MAML2: variants seen among roughly 807,000 people sequenced by gnomAD.
The protein encoded by MAML2 is mastermind like transcriptional coactivator 2, also known as mastermind-like protein 2.
A neutral mutation model predicts 96.1 loss-of-function variants in MAML2; 22 were observed. The ratio of observed to expected loss-of-function variants is 0.23; its 90% CI spans 0.16 to 0.33. The LOEUF (loss-of-function observed/expected upper bound fraction) is 0.33. Ranked by LOEUF, MAML2 falls within the 10% of genes least tolerant of loss-of-function variation. The probability of loss-of-function intolerance (pLI) is 1.00; values close to 1 mark genes in which losing one functional copy is unlikely to be tolerated. For missense variants in MAML2, 1,367 were observed against 1,392.4 expected, an observed-to-expected ratio of 0.98 and a Z score of 0.29; for synonymous variants, 561 against 521.3, an observed-to-expected ratio of 1.08 and a Z score of -1.04.
intron 1 of MAML2, among the ~76,000 whole-genome samples, chr11:96,117,861 C>T (rs758190297): frequency 1.2e-4 from 18 of 152,256 alleles, no homozygotes; most frequent in South Asian, 1.0e-3. Flanking sequence ...TAGGGCTCTG[C>T]CTTTTACCAG....
intron 2 of MAML2, among the ~76,000 whole-genome samples, chr11:96,056,959 TTTG>T (rs1490923621): frequency 1.3e-5 from 2 of 152,286 alleles, no homozygotes; most frequent in African/African-American, 4.8e-5. Context: ...TGAAATGAAA[TTTG>T]TTGTTTGGTG....
At chr11:96,130,973 C>G (rs1320959429) in intron 1 of MAML2, among the ~76,000 whole-genome samples, 1 of 152,030 alleles carries the variant, frequency 6.6e-6, no homozygotes, top group East Asian at 1.9e-4. Context: ...ATGAAACAAT[C>G]CCTTTAATTA....
intron 1 of MAML2, among the ~76,000 whole-genome samples, chr11:96,149,862 T>A (rs1336789151): frequency 6.6e-6 from 1 of 152,210 alleles, no homozygotes; most frequent in Non-Finnish European, 1.5e-5. Context: ...ATTTCTCTGC[T>A]GATCTCTCCT....
In MAML2 at chr11:96,336,390, C is replaced by T. The variant is rs112474506; in HGVS notation, c.513+4993G>A. Among the ~76,000 whole-genome samples the T allele has an allele frequency of 6.0e-3, 912 of 152,260 alleles. 8 individuals are homozygous for T. The highest frequency in any genetic ancestry group is 0.018 in the African/African-American group (765 of 41,530). ...TCCATTCTACCTGGTTAGTACTTTT[C>T]CTGTTACTTTATTGAAGTGGTTTTG... On this transcript the variant is annotated intron_variant, in intron 1 of 4. Coordinates refer to ENST00000524717, the MANE Select transcript of MAML2 (RefSeq NM_032427.4).
intron 1 of MAML2, among the ~76,000 whole-genome samples, chr11:96,222,203 G>A (rs980957617): frequency 2.0e-5 from 3 of 152,206 alleles, no homozygotes; most frequent in Admixed American, 1.3e-4. Context: ...CTCAGGGATA[G>A]CACTATGCTT....
At chr11:96,320,299 C>T (rs1565283240) in intron 1 of MAML2, among the ~76,000 whole-genome samples, 1 of 152,200 alleles carries the variant, frequency 6.6e-6, no homozygotes, top group Non-Finnish European at 1.5e-5. Context: ...TCTGCTGACA[C>T]ACTGGGAGGC....
intron 1 of MAML2, among the ~76,000 whole-genome samples, chr11:96,126,757 C>T (rs1860445617): frequency 6.6e-6 from 1 of 152,096 alleles, no homozygotes; most frequent in African/African-American, 2.4e-5. Flanking sequence ...CAATATAAAT[C>T]CAATTATATA....
intron 1 of MAML2, among the ~76,000 whole-genome samples, chr11:96,103,674 C>G (rs984283110): frequency 6.6e-6 from 1 of 152,186 alleles, no homozygotes; most frequent in South Asian, 2.1e-4. Flanking sequence ...CTGTCCTTCC[C>G]TGTCTGTTTC....
At chr11:96,086,145 C>T (rs1859608773) in intron 2 of MAML2, among the ~76,000 whole-genome samples, 1 of 152,162 alleles carries the variant, frequency 6.6e-6, no homozygotes, top group African/African-American at 2.4e-5. Flanking sequence ...AGATCAAAAG[C>T]TCAGCCAGGG....
intron 1 of MAML2, among the ~76,000 whole-genome samples, chr11:96,207,117 A>T (rs1258078170): frequency 6.6e-6 from 1 of 152,100 alleles, no homozygotes; most frequent in Non-Finnish European, 1.5e-5. Flanking sequence ...CTATAAAAGG[A>T]CTTGTTTTCT....
chr11:96,128,114 C>T (rs1254101795), intron 1 of MAML2, among the ~76,000 whole-genome samples: 1 of 152,114 alleles, frequency 6.6e-6, no homozygotes, highest in Non-Finnish European at 1.5e-5. Context: ...CCTAATCCAG[C>T]CGTGTGCAGT....
intron 2 of MAML2, among the ~76,000 whole-genome samples, chr11:96,031,307 CTAAG>C (rs1333905330): frequency 2.6e-5 from 4 of 151,670 alleles, no homozygotes; most frequent in Non-Finnish European, 5.9e-5. Context: ...ATCCTATGAG[CTAAG>C]TGTTATTATT....
At chr11:96,122,364 A>G (rs1860362838) in intron 1 of MAML2, among the ~76,000 whole-genome samples, 1 of 152,044 alleles carries the variant, frequency 6.6e-6, no homozygotes, top group Non-Finnish European at 1.5e-5. Context: ...GGAGCTGCAG[A>G]AAATCCTTCA....
chr11:96,103,789 G>A (rs369887110), intron 1 of MAML2, among the ~76,000 whole-genome samples: 2 of 152,012 alleles, frequency 1.3e-5, no homozygotes, highest in Admixed American at 1.3e-4. Flanking sequence ...CCCACATCTC[G>A]CCTCTCTCTG....
chr11:96,086,844 G>A (rs1859623707), intron 2 of MAML2, among the ~76,000 whole-genome samples: 2 of 152,194 alleles, frequency 1.3e-5, no homozygotes, highest in Admixed American at 1.3e-4. Context: ...GGCAAGGTCA[G>A]TGTGAATTTG....
intron 2 of MAML2, among the ~76,000 whole-genome samples, chr11:96,020,554 G>C (rs1210648958): frequency 6.6e-6 from 1 of 152,178 alleles, no homozygotes; most frequent in Non-Finnish European, 1.5e-5. Flanking sequence ...GGTGACTGGG[G>C]CACTGAGTTT....
chr11:96,036,500 T>G (rs1479076736), intron 2 of MAML2, among the ~76,000 whole-genome samples: 1 of 152,214 alleles, frequency 6.6e-6, no homozygotes, highest in Non-Finnish European at 1.5e-5. Flanking sequence ...ACAATCACAG[T>G]TGCAGTGGAC....
intron 1 of MAML2, among the ~76,000 whole-genome samples, chr11:96,340,503 G>T (rs1863978325): frequency 6.6e-6 from 1 of 152,222 alleles, no homozygotes; most frequent in Non-Finnish European, 1.5e-5. Context: ...ATGATCCAAG[G>T]GATACTCCTC....
At position 96,178,028 on chromosome 11, in the gene MAML2, T is replaced by TA. The variant is rs1234888261; in HGVS notation, c.514-84512dup. Among the ~76,000 whole-genome samples the TA allele has an allele frequency of 4.3e-3, 601 of 140,684 alleles. 4 individuals are homozygous for TA. The highest frequency in any genetic ancestry group is 0.014 in the African/African-American group (537 of 39,034). The allele number at this position is 140,684 out of a possible 152,430, so 92.3% of individuals were successfully genotyped here. ...ATCTACAATTTTGTACTCTTTAACT[T>TA]AAAAAAAAAATAAATATCACAATTC... On this transcript the variant is annotated intron_variant, in intron 1 of 4. Transcript: ENST00000524717.
Sources: allele counts gnomAD v4.1 joint callset (sites outside exome capture counted in the v4.1 genomes callset), GRCh38; gene constraint gnomAD v4.1.1; transcripts MANE v1.5; gene names NCBI Gene and HGNC (gene_info 2026-07-23, HGNC 2026-07-21).